Variants in ULK4 observed in about 807,000 individuals in gnomAD.
The protein encoded by ULK4 is unc-51 like kinase 4, also known as inactive serine/threonine-protein kinase ULK4.
A neutral mutation model predicts 160.6 loss-of-function variants in ULK4; 133 were observed. The observed-to-expected ratio is 0.83, with a 90% CI of 0.72 to 0.96. ULK4 has a LOEUF of 0.96. Ranked by LOEUF, ULK4 falls within the 40% of genes least tolerant of loss-of-function variation. The pLI, the probability that ULK4 is intolerant of heterozygous loss-of-function variation, is 0.00. For missense variants in ULK4, 1,580 were observed against 1,499.5 expected, an observed-to-expected ratio of 1.05 and a Z score of -0.89; for synonymous variants, 534 against 539.8, an observed-to-expected ratio of 0.99 and a Z score of 0.15.
At chr3:41,429,213 C>A (rs2082847582) in intron 34 of ULK4, among the ~76,000 whole-genome samples, 1 of 152,082 alleles carries the variant, frequency 6.6e-6, no homozygotes, top group African/African-American at 2.4e-5. Flanking sequence ...CCATCTCATG[C>A]CAGTTGAAAT....
intron 36 of ULK4, 95 bp downstream of exon 36, chr3:41,249,394 T>G: frequency 8.8e-7 from 1 of 1,142,842 alleles, no homozygotes; most frequent in Non-Finnish European, 1.3e-6. Flanking sequence ...TAGTCCCTGG[T>G]GTGGAGGGAG....
intron 32 of ULK4, among the ~76,000 whole-genome samples, chr3:41,542,893 G>T (rs563260772): frequency 1.3e-5 from 2 of 152,062 alleles, no homozygotes; most frequent in South Asian, 4.2e-4. Flanking sequence ...GCTTGATAGG[G>T]ACAATTCTTT....
chr3:41,721,557 C>G (rs55835726), intron 22 of ULK4, among the ~76,000 whole-genome samples: 19,665 of 149,758 alleles, frequency 0.13, 4,249 homozygotes, highest in African/African-American at 0.45. Context: ...TAGTGGAGAC[C>G]GGGTTTCACC....
chr3:41,933,089 C>G (rs758971814), intron 4 of ULK4, among the ~76,000 whole-genome samples: 7 of 152,166 alleles, frequency 4.6e-5, no homozygotes, highest in Admixed American at 1.3e-4. Context: ...CTCTTAACTT[C>G]TAGTCACAAA....
chr3:41,567,975 C>G (rs1795346), intron 31 of ULK4, among the ~76,000 whole-genome samples: 126,992 of 152,068 alleles, frequency 0.84, 54,570 homozygotes, highest in Middle Eastern at 0.94. Flanking sequence ...GACATTTACA[C>G]TGATACTAAC....
At chr3:41,326,012 A>G (rs905171356) in intron 35 of ULK4, among the ~76,000 whole-genome samples, 10 of 152,200 alleles carry the variant, frequency 6.6e-5, no homozygotes, top group Admixed American at 6.5e-4. Context: ...GTAATGAATT[A>G]TATGTATGAT....
chr3:41,663,207 T>A (rs1421789479), intron 30 of ULK4, among the ~76,000 whole-genome samples: 1 of 150,296 alleles, frequency 6.7e-6, no homozygotes, highest in Non-Finnish European at 1.5e-5. Flanking sequence ...GGTGACAGAG[T>A]AAGACTCCAT....
chr3:41,526,373 G>T (rs922196926), intron 32 of ULK4, among the ~76,000 whole-genome samples: 2 of 152,146 alleles, frequency 1.3e-5, no homozygotes, highest in African/African-American at 4.8e-5. Context: ...CTCCATTTGT[G>T]CCTGTTACTT....
chr3:41,639,556 C>T (rs1474773650), intron 30 of ULK4, among the ~76,000 whole-genome samples: 1 of 152,090 alleles, frequency 6.6e-6, no homozygotes, highest in Non-Finnish European at 1.5e-5. Context: ...GGTGAAACCC[C>T]ATCTCTACTA....
chr3:41,831,531 A>ATATATATATATTTTTTTTTTTTT, intron 18 of ULK4, among the ~76,000 whole-genome samples: 2 of 138,066 alleles, frequency 1.4e-5, no homozygotes, highest in African/African-American at 5.7e-5. Flanking sequence ...ATATATATAT[A>ATATATATATATTTTTTTTTTTTT]TTTTTTTTTC....
chr3:41,540,222 C>T (rs1357037857), intron 32 of ULK4, among the ~76,000 whole-genome samples: 1 of 151,890 alleles, frequency 6.6e-6, no homozygotes, highest in African/African-American at 2.4e-5. Flanking sequence ...CCCCATCCCC[C>T]AATAGGCCCC....
intron 18 of ULK4, among the ~76,000 whole-genome samples, chr3:41,830,393 A>G (rs1374771904): frequency 6.6e-6 from 1 of 152,122 alleles, no homozygotes. Context: ...ATAAGATTCT[A>G]GAAAACGAAA....
chr3:41,593,629 A>T (rs1272087019), intron 31 of ULK4, among the ~76,000 whole-genome samples: 1 of 152,234 alleles, frequency 6.6e-6, no homozygotes, highest in African/African-American at 2.4e-5. Context: ...CTAACTATGC[A>T]TATCTCTGGG....
intron 30 of ULK4, among the ~76,000 whole-genome samples, chr3:41,636,052 A>C (rs1176486394): frequency 6.6e-6 from 1 of 152,192 alleles, no homozygotes; most frequent in Non-Finnish European, 1.5e-5. Flanking sequence ...TTTAGAAATC[A>C]CTTCAAATGG....
At chr3:41,518,333 ACTG>A in intron 32 of ULK4, among the ~76,000 whole-genome samples, 1 of 152,330 alleles carries the variant, frequency 6.6e-6, no homozygotes, top group East Asian at 1.9e-4. Context: ...ATGCTGGATC[ACTG>A]CTCTTTGGGG....
chr3:41,414,923 C>T (rs552629656), intron 34 of ULK4, among the ~76,000 whole-genome samples: 5 of 152,266 alleles, frequency 3.3e-5, no homozygotes, highest in Admixed American at 2.6e-4. Context: ...AGAAAACCTG[C>T]CACCATTTTT....
chr3:41,702,637 G>A (rs1355075040), intron 27 of ULK4, among the ~76,000 whole-genome samples: 2 of 151,680 alleles, frequency 1.3e-5, no homozygotes, highest in Non-Finnish European at 2.9e-5. Flanking sequence ...TAAAGAGGGC[G>A]ACTTCACAAT....
At chr3:41,805,196 C>G (rs796892313) in intron 19 of ULK4, among the ~76,000 whole-genome samples, 16,452 of 149,448 alleles carry the variant, frequency 0.11, 11 homozygotes, top group Middle Eastern at 0.22. Context: ...AGAGGTCCTT[C>G]ACGTCCCTTG....
At chr3:41,916,545 T>C (rs1716701) in intron 7 of ULK4, among the ~76,000 whole-genome samples, 143,727 of 152,036 alleles carry the variant, frequency 0.95, 68,458 homozygotes, top group South Asian at 1. Flanking sequence ...TGCACTACCA[T>C]GCCTGACTAA....
Sources: allele counts gnomAD v4.1 joint callset (sites outside exome capture counted in the v4.1 genomes callset), GRCh38; gene constraint gnomAD v4.1.1; transcripts MANE v1.5; gene names NCBI Gene and HGNC (gene_info 2026-07-23, HGNC 2026-07-21).